Variants in GOLGA7B observed in about 807,000 individuals in gnomAD.
GOLGA7B encodes golgin subfamily A member 7B.
Under a neutral mutation model 21.5 loss-of-function variants are expected in GOLGA7B, and 17 were observed. The ratio of observed to expected loss-of-function variants is 0.79; its 90% CI spans 0.54 to 1.19. The LOEUF is 1.19. GOLGA7B is among the 50% of genes most tolerant of loss of function. GOLGA7B has a pLI of 0.00. For synonymous variants in GOLGA7B, 87 were observed against 84.0 expected (o/e 1.04, Z -0.19); for missense variants, 169 against 224.4 (o/e 0.75, Z 1.58).
chr10:97,863,596 A>AG (rs1305232772), intron 2 of GOLGA7B, among the ~76,000 whole-genome samples: 1 of 152,248 alleles, frequency 6.6e-6, no homozygotes, highest in African/African-American at 2.4e-5. Context: ...GAAAACATCT[A>AG]GGATATCATG....
intron 1 of GOLGA7B, among the ~76,000 whole-genome samples, chr10:97,858,988 T>C (rs1001376502): frequency 1.2e-4 from 19 of 152,194 alleles, no homozygotes; most frequent in Admixed American, 1.2e-3. Flanking sequence ...TGAAAGGTTC[T>C]TCTGTGTGTG....
chr10:97,855,802 A>C (rs1410883431), intron 1 of GOLGA7B, among the ~76,000 whole-genome samples: 1 of 152,232 alleles, frequency 6.6e-6, no homozygotes, highest in Non-Finnish European at 1.5e-5. Context: ...ATAGGTTCCT[A>C]GTAGATATCA....
chr10:97,864,635 A>G (rs7906536), intron 4 of GOLGA7B, among the ~76,000 whole-genome samples: 12,921 of 152,210 alleles, frequency 0.085, 955 homozygotes, highest in African/African-American at 0.19. Context: ...CAGGAATTGC[A>G]CCCAGGCTCA....
In GOLGA7B at chr10:97,866,473, C is replaced by T. The variant is rs997452223; in HGVS notation, c.*773C>T. ...CATAGCCATGCGGGGCCTGAATCTC[C>T]TGAACTACAGCCAGTTTCCTGAGAT... On this transcript the variant is annotated 3_prime_UTR_variant, in exon 5 of 5. Coordinates refer to ENST00000370602, the MANE Select transcript of GOLGA7B (RefSeq NM_001010917.3). 2 of 152,230 alleles carry T rather than the reference C, an allele frequency of 1.3e-5. No individual in the cohort carries two copies. The highest frequency in any genetic ancestry group is 1.9e-4 in the East Asian group (1 of 5,198). 9.4% of individuals were successfully genotyped at this position (152,230 alleles called of 1,614,324 possible).
intron 2 of GOLGA7B, among the ~76,000 whole-genome samples, chr10:97,860,966 CTCAGATAATT>C (rs2049967873): frequency 6.6e-6 from 1 of 152,202 alleles, no homozygotes; most frequent in Non-Finnish European, 1.5e-5. Flanking sequence ...TTAAAGGCTG[CTCAGATAATT>C]TCAGTTTGCA....
chr10:97,863,911 G>T lies in GOLGA7B; in HGVS notation c.139-19G>T, dbSNP rs1177400091. On this transcript the variant is annotated intron_variant, in intron 2 of 4. Transcript: ENST00000370602. ...CTCCAGGGAGGCTAACCGCAGCCTG[G>T]CTCTGTCCCTTTCTCCAGATCGAGC... is the stretch of plus-strand genomic sequence containing the variant. 1.2e-5 allele frequency: 20 copies of T among 1,603,284 alleles called. No homozygotes were observed. The highest frequency in any genetic ancestry group is 2.7e-5 in the African/African-American group (2 of 74,826).
intron 1 of GOLGA7B, among the ~76,000 whole-genome samples, chr10:97,853,255 A>G (rs1040557241): frequency 2.0e-5 from 3 of 152,220 alleles, no homozygotes; most frequent in Admixed American, 1.3e-4. Flanking sequence ...CACCCCAGCC[A>G]GGAAGCAGAG....
chr10:97,859,372 G>A (rs1158743567), intron 1 of GOLGA7B, 86 bp from the exon 2 acceptor site: 1 of 1,359,990 alleles, frequency 7.4e-7, no homozygotes, highest in African/African-American at 1.4e-5. Context: ...AGTGCTGGAA[G>A]ACCTGCATTC....
At chr10:97,858,990 C>T (rs1213688109) in intron 1 of GOLGA7B, among the ~76,000 whole-genome samples, 1 of 151,152 alleles carries the variant, frequency 6.6e-6, no homozygotes, top group East Asian at 1.9e-4. Flanking sequence ...AAAGGTTCTT[C>T]TGTGTGTGTG....
At chr10:97,855,804 T>C (rs2049931667) in intron 1 of GOLGA7B, among the ~76,000 whole-genome samples, 1 of 152,204 alleles carries the variant, frequency 6.6e-6, no homozygotes, top group Non-Finnish European at 1.5e-5. Context: ...AGGTTCCTAG[T>C]AGATATCAAG....
intron 2 of GOLGA7B, among the ~76,000 whole-genome samples, chr10:97,860,908 C>T (rs2049967500): frequency 6.6e-6 from 1 of 152,160 alleles, no homozygotes; most frequent in South Asian, 2.1e-4. Flanking sequence ...CCTTCCCAGA[C>T]CATTGACTCA....
intron 1 of GOLGA7B, among the ~76,000 whole-genome samples, chr10:97,852,574 A>G (rs531800572): frequency 4.1e-4 from 63 of 152,226 alleles, no homozygotes; most frequent in Middle Eastern, 3.4e-3. Context: ...TTGAGTTGAG[A>G]TTACCAGGAT....
At chr10:97,858,862 ACTCT>A (rs2049952890) in intron 1 of GOLGA7B, among the ~76,000 whole-genome samples, 2 of 151,984 alleles carry the variant, frequency 1.3e-5, no homozygotes, top group Non-Finnish European at 2.9e-5. Context: ...CCTGCCTGCA[ACTCT>A]GTTGTGAGCT....
At chr10:97,860,088 G>A (rs2049961068) in intron 2 of GOLGA7B, among the ~76,000 whole-genome samples, 1 of 152,178 alleles carries the variant, frequency 6.6e-6, no homozygotes. Flanking sequence ...AATCAGCATA[G>A]TTTTAAATCT....
intron 1 of GOLGA7B, among the ~76,000 whole-genome samples, chr10:97,859,055 T>C (rs2049954309): frequency 6.6e-6 from 1 of 152,214 alleles, no homozygotes; most frequent in Non-Finnish European, 1.5e-5. Context: ...GCTTTAGGCT[T>C]GTTAAAAATT....
chr10:97,865,407 T>C, intron 4 of GOLGA7B, 183 bp from the exon 5 acceptor site: 1 of 1,017,348 alleles, frequency 9.8e-7, no homozygotes, highest in Non-Finnish European at 1.4e-6. Flanking sequence ...TCCCTAATTG[T>C]TAGCTAAGTA....
At position 97,865,826 on chromosome 10, in the gene GOLGA7B, G is replaced by GT; in HGVS notation, c.*126_*127insT. The GT allele has an allele frequency of 9.0e-6, 7 of 778,960 alleles. No homozygotes were observed. Among genetic ancestry groups the GT allele is most frequent in the Non-Finnish European group, 1.1e-5 (6 of 537,778 alleles). The allele number at this position is 778,960 out of a possible 1,614,324, so 48.3% of individuals were successfully genotyped here. On this transcript the variant is annotated 3_prime_UTR_variant, in exon 5 of 5. Coordinates refer to ENST00000370602, the MANE Select transcript of GOLGA7B (RefSeq NM_001010917.3). ...GGGCTCACCCTGCTGCCCGGGGTGG[G>GT]AGGGAGGGTGACGGGCCTCATATTT...
Position 97,864,101 on chromosome 10 carries a change from C to CACT in GOLGA7B, c.291+19_291+20insACT. 6.2e-7 allele frequency: 1 copy of CACT among 1,613,968 alleles called. No individual in the cohort carries two copies. Among genetic ancestry groups the CACT allele is most frequent in the Non-Finnish European group, 8.5e-7 (1 of 1,179,812 alleles). On this transcript the variant is annotated intron_variant, in intron 3 of 4. Coordinates refer to ENST00000370602, the MANE Select transcript of GOLGA7B (RefSeq NM_001010917.3). Reference sequence around the variant, plus strand: ...TGAGAAGGTGGCCCCTCCCGCCCCACCGTGCATCCCTTCCCTCAGGGCTGC... The same window carrying CACT: ...TGAGAAGGTGGCCCCTCCCGCCCCACACTCGTGCATCCCTTCCCTCAGGGCTGC...
chr10:97,865,967 T>A lies in GOLGA7B; in HGVS notation c.*267T>A, dbSNP rs944150083. On this transcript the variant is annotated 3_prime_UTR_variant, in exon 5 of 5. Transcript: ENST00000370602. Reference sequence around the variant, plus strand: ...CTGGTCTGGGCCACACAGAGACAGATCTTCCTAGGAAGGCTGGGGTGGGGA... The same window carrying A: ...CTGGTCTGGGCCACACAGAGACAGAACTTCCTAGGAAGGCTGGGGTGGGGA... The A allele has an allele frequency of 1.3e-5, 6 of 479,764 alleles. No individual in the cohort carries two copies. The highest frequency in any genetic ancestry group is 1.9e-5 in the African/African-American group (1 of 51,536). 29.7% of individuals were successfully genotyped at this position (479,764 alleles called of 1,614,324 possible).
Sources: gnomAD v4.1 joint callset for allele counts (sites outside exome capture counted in the v4.1 genomes callset) on GRCh38, gnomAD v4.1.1 for gene constraint, MANE v1.5 for transcripts, NCBI Gene and HGNC (gene_info 2026-07-23, HGNC 2026-07-21) for gene names.